Variants in MPC1 observed in about 807,000 individuals in gnomAD.
The protein encoded by MPC1 is HSPC040 protein.
Under a neutral mutation model 13.9 loss-of-function variants are expected in MPC1, and 6 were observed. That is an observed-to-expected ratio of 0.43 (90% CI 0.24 to 0.85). The LOEUF is 0.85. Ranked by LOEUF, MPC1 falls within the 40% of genes least tolerant of loss-of-function variation. MPC1 has a pLI of 0.24. For missense variants in MPC1, 115 were observed against 143.3 expected, an observed-to-expected ratio of 0.80 and a Z score of 1.01; for synonymous variants, 47 against 50.5, an observed-to-expected ratio of 0.93 and a Z score of 0.29.
chr6:166,370,400 A>G, intron 1 of MPC1, 179 bp from the exon 2 acceptor site: 1 of 549,368 alleles, frequency 1.8e-6, no homozygotes, highest in Non-Finnish European at 3.2e-6. Flanking sequence ...AGATCAAGTA[A>G]TATTATTTCT....
chr6:166,374,933 G>A (rs1246805423), intron 1 of MPC1, among the ~76,000 whole-genome samples: 4 of 152,116 alleles, frequency 2.6e-5, no homozygotes, highest in Admixed American at 6.6e-5. Context: ...GGGGTTTACC[G>A]CCGTCTCCAT....
intron 2 of MPC1, among the ~76,000 whole-genome samples, chr6:166,367,424 G>A (rs893582181): frequency 6.6e-6 from 1 of 152,134 alleles, no homozygotes; most frequent in African/African-American, 2.4e-5. Context: ...GCTCATATGA[G>A]CTATTCTAAG....
intron 1 of MPC1, among the ~76,000 whole-genome samples, chr6:166,374,825 G>A (rs137887574): frequency 6.6e-5 from 10 of 152,218 alleles, no homozygotes; most frequent in Admixed American, 5.2e-4. Context: ...CCAGTACCAC[G>A]CTGTCTGGAT....
At chr6:166,377,453 C>T (rs889823514) in intron 1 of MPC1, among the ~76,000 whole-genome samples, 2 of 152,156 alleles carry the variant, frequency 1.3e-5, no homozygotes, top group Admixed American at 6.5e-5. Flanking sequence ...GCTTTTAGGT[C>T]AGTCTAATTT....
At chr6:166,372,059 C>T (rs901244277) in intron 1 of MPC1, among the ~76,000 whole-genome samples, 1 of 152,060 alleles carries the variant, frequency 6.6e-6, no homozygotes, top group African/African-American at 2.4e-5. Context: ...TATTTCACAG[C>T]AAGTACAAAC....
chr6:166,368,025 T>C (rs1779226283), intron 2 of MPC1, among the ~76,000 whole-genome samples: 1 of 152,234 alleles, frequency 6.6e-6, no homozygotes, highest in Non-Finnish European at 1.5e-5. Context: ...AGTTCCCACA[T>C]AGCCATCACC....
At chr6:166,370,773 G>C (rs1214235661) in intron 1 of MPC1, among the ~76,000 whole-genome samples, 1 of 152,040 alleles carries the variant, frequency 6.6e-6, no homozygotes, top group African/African-American at 2.4e-5. Flanking sequence ...CAAGTCTGCA[G>C]TGAGGTATGA....
intron 1 of MPC1, among the ~76,000 whole-genome samples, chr6:166,371,968 G>A (rs9355575): frequency 0.67 from 101,598 of 151,952 alleles, 35,213 homozygotes; most frequent in East Asian, 0.94. Flanking sequence ...GCAGATGAGG[G>A]GGTACTACTA....
rs771737259 is a variant in MPC1, at chr6:166,365,995, C to T, written c.284G>A (p.Gly95Glu). Residue 95 changes from glycine (G) to glutamate (E), a missense_variant, in exon 4 of 5, where the codon GGA becomes GAA. Physicochemically the swap from Gly to Glu is moderately conservative, Grantham distance 98 (BLOSUM62 -2). Coordinates refer to ENST00000360961, the MANE Select transcript of MPC1 (RefSeq NM_016098.4). The surrounding 1 kb of genome is among the most constrained non-coding windows in gnomAD (Gnocchi z 4.2). Reference protein sequence around the residue: ...ATNEVAQLIQGGRLIKHEMTK... With the variant: ...ATNEVAQLIQEGRLIKHEMTK... ...TTACTCGTGTTTGATAAGCCGCCCT[C>T]CCTGGATGAGCTGGGCTACTTCATT... 1.2e-6 allele frequency: 2 copies of T among 1,613,750 alleles called. No individual in the cohort carries two copies. Among genetic ancestry groups the T allele is most frequent in the Non-Finnish European group, 1.7e-6 (2 of 1,179,796 alleles).
rs1444257319 is a variant in MPC1, at chr6:166,382,632, C to T, written c.71+174G>A. ...CCGTCCGCTTCGGGGTGTGGCGGTC[C>T]GGGAGGGATCCGGGTGGGGCCCCCC... On this transcript the variant is annotated intron_variant, in intron 1 of 4. Transcript: ENST00000360961. Among the ~76,000 whole-genome samples, 5 of 152,194 alleles carry T rather than the reference C, an allele frequency of 3.3e-5. No individual in the cohort carries two copies. In the East Asian group the frequency reaches 9.7e-4, roughly 29 times the overall value.
At chr6:166,368,747 G>T in intron 2 of MPC1, 2 of 984,448 alleles carry the variant, frequency 2.0e-6, no homozygotes, top group Non-Finnish European at 2.4e-6. Context: ...TTTCTTACCC[G>T]TCCTGTTATT....
chr6:166,380,009 A>C (rs1279427438), intron 1 of MPC1, among the ~76,000 whole-genome samples: 2 of 152,236 alleles, frequency 1.3e-5, no homozygotes, highest in Admixed American at 6.5e-5. Flanking sequence ...TGGCAGACCT[A>C]GCATGAATTC....
intron 1 of MPC1, among the ~76,000 whole-genome samples, chr6:166,378,199 G>A (rs1295451237): frequency 6.6e-6 from 1 of 152,104 alleles, no homozygotes; most frequent in Non-Finnish European, 1.5e-5. Flanking sequence ...TTATTTTACT[G>A]CAACTTCTCA....
At chr6:166,380,583 A>G (rs1022114133) in intron 1 of MPC1, among the ~76,000 whole-genome samples, 8 of 152,244 alleles carry the variant, frequency 5.3e-5, no homozygotes, top group African/African-American at 1.9e-4. Context: ...AAGAAAATAT[A>G]ACACTTAGAA....
chr6:166,372,991 A>T (rs1200852955), intron 1 of MPC1, among the ~76,000 whole-genome samples: 1 of 152,156 alleles, frequency 6.6e-6, no homozygotes, highest in African/African-American at 2.4e-5. Flanking sequence ...TTAAAAAATA[A>T]ACTTAATTTT....
At chr6:166,366,998 C>T (rs1032473001) in intron 2 of MPC1, 107 bp from the exon 3 acceptor site, 3 of 1,574,424 alleles carry the variant, frequency 1.9e-6, no homozygotes, top group Non-Finnish European at 1.7e-6. Context: ...CTCGTGAGAA[C>T]AAATCTTCGT....
intron 2 of MPC1, chr6:166,370,008 G>A: frequency 1.4e-6 from 1 of 702,032 alleles, no homozygotes; most frequent in Non-Finnish European, 2.6e-6. Context: ...AAAAACAGGA[G>A]TAGGGAGCAG....
In MPC1 at chr6:166,366,953, C is replaced by A. The variant is rs1779181324; in HGVS notation, c.76-62G>T. On this transcript the variant is annotated intron_variant, in intron 2 of 4. Transcript: ENST00000360961. ...AAAGTTAAGACAGAACTATAAACAG[C>A]TGAAATTTCCCTTACTTTAAATAAT... is the stretch of plus-strand genomic sequence containing the variant. 6 of 1,610,702 alleles carry A rather than the reference C, an allele frequency of 3.7e-6. No individual in the cohort carries two copies. The East Asian group carries it at 1.3e-4, about 36-fold the overall frequency.
chr6:166,365,619 C>T lies in MPC1; in HGVS notation c.306-166G>A, dbSNP rs761663349. ...GTATCCCTCATCTGAAATGCTTAGG[C>T]CCAGACATGTTTCAGATTTTTTCAG... On this transcript the variant is annotated intron_variant, in intron 4 of 4. Coordinates refer to ENST00000360961, the MANE Select transcript of MPC1 (RefSeq NM_016098.4). This position sits in a 1 kb window ranked among gnomAD's most constrained non-coding sequence, Gnocchi z 4.2. 1.3e-5 allele frequency among the ~76,000 whole-genome samples: 2 copies of T among 152,146 alleles called. No individual in the cohort carries two copies. The highest frequency in any genetic ancestry group is 2.9e-5 in the Non-Finnish European group (2 of 68,010).
Sources: gnomAD v4.1 joint callset for allele counts (sites outside exome capture counted in the v4.1 genomes callset) on GRCh38, gnomAD v4.1.1 for gene constraint, Gnocchi (gnomAD v3.1) non-coding constraint, MANE v1.5 for transcripts, NCBI Gene and HGNC (gene_info 2026-07-23, HGNC 2026-07-21) for gene names.